The following ADGB variants were observed in gnomAD, a reference collection of about 807,000 sequenced individuals.
ADGB encodes the protein androglobin.
Under a neutral mutation model 210.5 loss-of-function variants are expected in ADGB, and 172 were observed. The ratio of observed to expected loss-of-function variants is 0.82; its 90% CI spans 0.72 to 0.93. ADGB has a LOEUF of 0.93. Ranked by LOEUF, ADGB falls within the 40% of genes least tolerant of loss-of-function variation. The pLI is 0.00. For missense variants in ADGB, 2,025 were observed against 1,964.8 expected, an observed-to-expected ratio of 1.03 and a Z score of -0.58; for synonymous variants, 658 against 662.7, an observed-to-expected ratio of 0.99 and a Z score of 0.11.
intron 31 of ADGB, 129 bp downstream of exon 31, chr6:146,784,923 G>A (rs958662780): frequency 2.2e-5 from 21 of 941,482 alleles, no homozygotes; most frequent in Admixed American, 1.5e-4. Flanking sequence ...TTATCAGACA[G>A]GCATTGAATA....
chr6:146,731,627 TGC>T (rs1189308578), intron 20 of ADGB, among the ~76,000 whole-genome samples: 1 of 152,196 alleles, frequency 6.6e-6, no homozygotes, highest in African/African-American at 2.4e-5. Context: ...AAATTCTCCC[TGC>T]TCCCTCAATG....
rs1562266367 is a variant in ADGB, at chr6:146,656,754, A to C, written c.403-17A>C. 3 of 1,489,462 alleles carry C rather than the reference A, an allele frequency of 2.0e-6. No homozygotes were observed. The East Asian group carries it at 7.5e-5, about 37-fold the overall frequency. The allele number at this position is 1,489,462 out of a possible 1,614,324, so 92.3% of individuals were successfully genotyped here. On this transcript the variant is annotated splice_polypyrimidine_tract_variant and intron_variant, in intron 4 of 35. Transcript: ENST00000397944. ...ACTGAAAAATAACCAATTAACCCTA[A>C]TGTTTTTTATCTCTAGCTGATGAGA...
chr6:146,795,016 C>G (rs979104677), intron 33 of ADGB, among the ~76,000 whole-genome samples: 58 of 152,068 alleles, frequency 3.8e-4, no homozygotes, highest in African/African-American at 1.4e-3. Context: ...CATTGTATGA[C>G]CCCTATTCTG....
intron 13 of ADGB, among the ~76,000 whole-genome samples, chr6:146,703,347 A>G (rs886137380): frequency 2.6e-5 from 4 of 151,896 alleles, no homozygotes; most frequent in Non-Finnish European, 2.9e-5. Flanking sequence ...TGATTAATAT[A>G]TGTATTACTT....
intron 9 of ADGB, among the ~76,000 whole-genome samples, chr6:146,679,054 G>A (rs1326823167): frequency 2.6e-5 from 4 of 152,156 alleles, no homozygotes; most frequent in Admixed American, 2.0e-4. Context: ...GGAGCAAGAT[G>A]TCTGAAATCA....
chr6:146,713,852 A>C (rs1285006259), intron 13 of ADGB, among the ~76,000 whole-genome samples: 1 of 151,688 alleles, frequency 6.6e-6, no homozygotes, highest in African/African-American at 2.4e-5. Flanking sequence ...GCTTCTCTCT[A>C]TGTTTTCTTC....
Position 146,785,686 on chromosome 6 carries a change from A to G in ADGB, c.4289A>G (p.Glu1430Gly). ...TSDAESPPISESQTKPKEEVE... is the reference protein window; with the variant it reads ...TSDAESPPISGSQTKPKEEVE... ...GATGCTGAGAGTCCGCCTATATCTG[A>G]AAGCCAAACTAAACCAAAAGAAGAA... The change falls in exon 32 of 36, where the codon GAA (glutamate) becomes GGA (glycine). Residue 1430 changes from glutamate (E) to glycine (G), a missense_variant. Coordinates refer to ENST00000397944, the MANE Select transcript of ADGB (RefSeq NM_024694.4). The G allele has an allele frequency of 6.4e-7, 1 of 1,550,856 alleles. No individual in the cohort carries two copies. The highest frequency in any genetic ancestry group is 1.2e-5 in the South Asian group (1 of 83,996).
intron 27 of ADGB, among the ~76,000 whole-genome samples, chr6:146,762,149 AT>A (rs34114234): frequency 1.3e-5 from 2 of 150,518 alleles, no homozygotes; most frequent in Non-Finnish European, 3.0e-5. Flanking sequence ...GGGTGGACAT[AT>A]TTTTTTGGGG....
intron 28 of ADGB, among the ~76,000 whole-genome samples, chr6:146,765,775 G>C (rs1468905955): frequency 6.6e-6 from 1 of 151,354 alleles, no homozygotes; most frequent in Non-Finnish European, 1.5e-5. Flanking sequence ...TAATTCATTA[G>C]GAAGCAGGGA....
Position 146,644,757 on chromosome 6 carries a change from A to G in ADGB, c.238-16A>G, listed in dbSNP as rs59743065. Reference sequence around the variant, plus strand: ...TAAAAGAATATGCAGAAAAAACTCAATTTATTTTTATATAGCATTTTTTTG... The same window carrying G: ...TAAAAGAATATGCAGAAAAAACTCAGTTTATTTTTATATAGCATTTTTTTG... On this transcript the variant is annotated splice_polypyrimidine_tract_variant and intron_variant, in intron 2 of 35. Coordinates refer to ENST00000397944, the MANE Select transcript of ADGB (RefSeq NM_024694.4). 16,340 of 1,375,552 alleles carry G rather than the reference A, an allele frequency of 0.012. 1,447 individuals carry two copies. In the African/African-American group the frequency reaches 0.2, roughly 17 times the overall value. The allele number at this position is 1,375,552 out of a possible 1,614,324, so 85.2% of individuals were successfully genotyped here.
intron 12 of ADGB, among the ~76,000 whole-genome samples, chr6:146,693,841 A>T (rs768281056): frequency 7.2e-5 from 11 of 152,178 alleles, no homozygotes; most frequent in Non-Finnish European, 1.5e-4. Context: ...TGGAACACAG[A>T]AAATCAGCCA....
At chr6:146,745,880 TAAC>T (rs1375201866) in intron 25 of ADGB, 39 bp from the exon 26 acceptor site, 2 of 1,447,308 alleles carry the variant, frequency 1.4e-6, no homozygotes, top group African/African-American at 1.4e-5. Context: ...GATAGAATAA[TAAC>T]GACATAATTC....
intron 20 of ADGB, among the ~76,000 whole-genome samples, chr6:146,730,361 A>G (rs1304652544): frequency 9.3e-6 from 1 of 107,374 alleles, no homozygotes; most frequent in African/African-American, 4.9e-5. Context: ...TTGCAAAGAC[A>G]AAAACAAACA....
intron 1 of ADGB, among the ~76,000 whole-genome samples, chr6:146,632,527 G>A (rs898105026): frequency 1.3e-5 from 2 of 152,072 alleles, no homozygotes; most frequent in African/African-American, 4.8e-5. Context: ...TTGAAGTAGG[G>A]GTTGGTGGTT....
In ADGB at chr6:146,752,700, G is replaced by T; in HGVS notation, c.3536G>T (p.Gly1179Val). ...TTTCACTTCTTGAAGAGTGAGAAAG[G>T]TTTGAGCTCCCAGTGTAAGTGTACC... is the stretch of plus-strand genomic sequence containing the variant. ...PAFHFLKSEK[G>V]LSSQSSKHIL... The change falls in exon 27 of 36, where the codon GGT becomes GTT. Residue 1179 changes from glycine (G) to valine (V), a missense_variant. Physicochemically the swap from Gly to Val is moderately radical, Grantham distance 109. Transcript: ENST00000397944. 6.5e-7 allele frequency: 1 copy of T among 1,549,442 alleles called. No individual in the cohort carries two copies. Among genetic ancestry groups the T allele is most frequent in the Non-Finnish European group, 8.7e-7 (1 of 1,145,848 alleles).
intron 33 of ADGB, among the ~76,000 whole-genome samples, chr6:146,795,433 T>C (rs368410539): frequency 8.0e-4 from 122 of 152,286 alleles, no homozygotes; most frequent in African/African-American, 2.7e-3. Context: ...GTTCAGCATC[T>C]ATAAGGAACT....
intron 33 of ADGB, among the ~76,000 whole-genome samples, chr6:146,793,207 G>A (rs1342065833): frequency 6.6e-6 from 1 of 152,092 alleles, no homozygotes; most frequent in Non-Finnish European, 1.5e-5. Context: ...GCTGATTGGT[G>A]CATTTTACAG....
intron 29 of ADGB, among the ~76,000 whole-genome samples, chr6:146,779,036 C>T (rs907577837): frequency 2.0e-5 from 3 of 149,194 alleles, no homozygotes; most frequent in African/African-American, 5.0e-5. Flanking sequence ...TAACTTGTCC[C>T]ATTCCTCAGC....
intron 5 of ADGB, among the ~76,000 whole-genome samples, chr6:146,660,831 T>C (rs903962240): frequency 6.6e-6 from 1 of 152,244 alleles, no homozygotes; most frequent in African/African-American, 2.4e-5. Flanking sequence ...GTTACTCTTG[T>C]ATTTTAATTT....
Sources: allele counts gnomAD v4.1 joint callset (sites outside exome capture counted in the v4.1 genomes callset), GRCh38; gene constraint gnomAD v4.1.1; transcripts MANE v1.5; gene names NCBI Gene and HGNC (gene_info 2026-07-23, HGNC 2026-07-21).